The following MSRB3 variants were observed in gnomAD, a reference collection of about 807,000 sequenced individuals.
The protein encoded by MSRB3 is methionine-R-sulfoxide reductase B3.
Under a neutral mutation model 21.0 loss-of-function variants are expected in MSRB3, and 13 were observed. The observed-to-expected ratio is 0.62, with a 90% CI of 0.40 to 0.98. The LOEUF is 0.98. Ranked by LOEUF, MSRB3 falls within the 50% of genes least tolerant of loss-of-function variation. The probability of loss-of-function intolerance (pLI) is 0.00; values close to 1 mark genes in which losing one functional copy is unlikely to be tolerated. For synonymous variants in MSRB3, 87 were observed against 88.6 expected (o/e 0.98, Z 0.10); for missense variants, 199 against 230.3 (o/e 0.86, Z 0.88).
intron 4 of MSRB3, among the ~76,000 whole-genome samples, chr12:65,357,162 G>A (rs1178691288): frequency 6.6e-6 from 1 of 151,726 alleles, no homozygotes; most frequent in Non-Finnish European, 1.5e-5. Flanking sequence ...AGTTACCGGA[G>A]CAAAAAGCCT....
chr12:65,438,913 A>G (rs945717266), intron 5 of MSRB3, among the ~76,000 whole-genome samples: 3 of 151,952 alleles, frequency 2.0e-5, no homozygotes, highest in African/African-American at 2.4e-5. Context: ...GGGGACAAGC[A>G]CAACATAAAA....
chr12:65,409,959 C>A (rs1003834424), intron 5 of MSRB3, among the ~76,000 whole-genome samples: 1 of 152,076 alleles, frequency 6.6e-6, no homozygotes, highest in Non-Finnish European at 1.5e-5. Flanking sequence ...GATTTAACTT[C>A]CATCTGGATT....
At chr12:65,289,597 G>A (rs1872566471) in intron 1 of MSRB3, among the ~76,000 whole-genome samples, 1 of 152,162 alleles carries the variant, frequency 6.6e-6, no homozygotes, top group Non-Finnish European at 1.5e-5. Flanking sequence ...ACATGTGCAG[G>A]TTTGTTACAT....
intron 5 of MSRB3, among the ~76,000 whole-genome samples, chr12:65,405,968 A>G (rs1186995866): frequency 6.6e-6 from 1 of 152,080 alleles, no homozygotes; most frequent in Non-Finnish European, 1.5e-5. Context: ...TATTTTTGAT[A>G]TTAACTTCTT....
chr12:65,318,326 A>G (rs1343910284), intron 2 of MSRB3, among the ~76,000 whole-genome samples: 1 of 152,136 alleles, frequency 6.6e-6, no homozygotes, highest in Non-Finnish European at 1.5e-5. Flanking sequence ...ATTTAAATAA[A>G]ATTTGCATGA....
intron 4 of MSRB3, among the ~76,000 whole-genome samples, chr12:65,357,763 C>G (rs1877471613): frequency 6.6e-6 from 1 of 151,930 alleles, no homozygotes; most frequent in African/African-American, 2.4e-5. Context: ...TGGTATTTTT[C>G]TCATAACTAG....
chr12:65,397,977 A>G (rs958367917), intron 5 of MSRB3, among the ~76,000 whole-genome samples: 4 of 152,212 alleles, frequency 2.6e-5, no homozygotes, highest in Non-Finnish European at 1.5e-5. Flanking sequence ...CATGATGTAT[A>G]TGTGCCACAT....
At chr12:65,371,787 G>A (rs1878342334) in intron 5 of MSRB3, among the ~76,000 whole-genome samples, 1 of 152,148 alleles carries the variant, frequency 6.6e-6, no homozygotes, top group Non-Finnish European at 1.5e-5. Flanking sequence ...TTTGTTGAAT[G>A]TATACCAAAT....
intron 1 of MSRB3, among the ~76,000 whole-genome samples, chr12:65,302,938 T>G (rs1873425292): frequency 6.6e-6 from 1 of 152,190 alleles, no homozygotes; most frequent in African/African-American, 2.4e-5. Context: ...AAGAATGTTT[T>G]TTATCTTGAG....
Position 65,278,791 on chromosome 12 carries a change from C to T in MSRB3, c.-126C>T, listed in dbSNP as rs781411130. 1.9e-6 allele frequency: 3 copies of T among 1,572,862 alleles called. No homozygotes were observed. Among genetic ancestry groups the T allele is most frequent in the South Asian group, 1.2e-5 (1 of 85,650 alleles). On this transcript the variant is annotated 5_prime_UTR_variant, in exon 1 of 7. Transcript: ENST00000308259. ...TCCATGAGCCCGCGGCGGACCCTCC[C>T]GCGCCCCCTCTCGCTCTGCCTCTCC... is the stretch of plus-strand genomic sequence containing the variant.
chr12:65,370,842 A>T (rs1235962224), intron 5 of MSRB3, among the ~76,000 whole-genome samples: 3 of 152,230 alleles, frequency 2.0e-5, no homozygotes, highest in African/African-American at 7.2e-5. Context: ...GGGAATACTG[A>T]TTAAAAGTTT....
intron 5 of MSRB3, among the ~76,000 whole-genome samples, chr12:65,413,285 A>G (rs73320452): frequency 8.5e-5 from 13 of 152,300 alleles, no homozygotes; most frequent in African/African-American, 3.1e-4. Flanking sequence ...AGGCCAAGAT[A>G]TTTGCTTCCA....
chr12:65,462,313 G>A lies in MSRB3; in HGVS notation c.391-842G>A, dbSNP rs117482147. On this transcript the variant is annotated intron_variant, in intron 6 of 6. Transcript: ENST00000308259. ...TCCTGGAGCTGTACCCAGCATCAAC[G>A]CAGTTAGTGTAGGGGTGTTCACTGA... Among the ~76,000 whole-genome samples the A allele has an allele frequency of 1.2e-4, 18 of 152,270 alleles. No homozygotes were observed. In the East Asian group the frequency reaches 2.7e-3, roughly 23 times the overall value.
At chr12:65,418,167 T>C (rs2336716) in intron 5 of MSRB3, among the ~76,000 whole-genome samples, 81,085 of 152,008 alleles carry the variant, frequency 0.53, 22,149 homozygotes, top group Non-Finnish European at 0.62. Context: ...TGCAATGGCA[T>C]GATCCTGGCT....
chr12:65,329,949 G>T (rs923252724), intron 4 of MSRB3, among the ~76,000 whole-genome samples: 3 of 152,052 alleles, frequency 2.0e-5, no homozygotes, highest in African/African-American at 7.3e-5. Flanking sequence ...CCTTCAAATT[G>T]TCACCCATTT....
chr12:65,349,969 C>G (rs569283483), intron 4 of MSRB3, among the ~76,000 whole-genome samples: 1 of 152,182 alleles, frequency 6.6e-6, no homozygotes, highest in Admixed American at 6.6e-5. Context: ...GTGTTTTGGA[C>G]ATGACGTCCT....
intron 5 of MSRB3, among the ~76,000 whole-genome samples, chr12:65,406,869 G>A (rs1880441655): frequency 1.3e-5 from 2 of 152,138 alleles, no homozygotes; most frequent in South Asian, 2.1e-4. Context: ...TTGCCTTTTT[G>A]TGTTACACTG....
intron 4 of MSRB3, among the ~76,000 whole-genome samples, chr12:65,358,911 T>C (rs1332969485): frequency 1.3e-5 from 2 of 151,978 alleles, no homozygotes; most frequent in African/African-American, 4.8e-5. Flanking sequence ...GCATTCTCTG[T>C]CTCATTCATT....
Position 65,381,666 on chromosome 12 carries a change from A to G in MSRB3, c.292+12640A>G, listed in dbSNP as rs558759214. Among the ~76,000 whole-genome samples, 274 of 152,170 alleles carry G rather than the reference A, an allele frequency of 1.8e-3. 2 individuals carry two copies. The highest frequency in any genetic ancestry group is 6.1e-3 in the African/African-American group (255 of 41,556). On this transcript the variant is annotated intron_variant, in intron 5 of 6. Transcript: ENST00000308259. ...TTCGAGTCTTTTGTGTTATAGAACT[A>G]TCCTAAGAACATTTTATAAGAGGTT...
Sources: allele counts gnomAD v4.1 joint callset (sites outside exome capture counted in the v4.1 genomes callset), GRCh38; gene constraint gnomAD v4.1.1; transcripts MANE v1.5; gene names NCBI Gene and HGNC (gene_info 2026-07-23, HGNC 2026-07-21).